Variants in CAMKMT observed in about 807,000 individuals in gnomAD.
CAMKMT encodes the protein CaM KMT.
Under a neutral mutation model 48.0 loss-of-function variants are expected in CAMKMT, and 53 were observed. That is an observed-to-expected ratio of 1.10 (90% CI 0.89 to 1.39). The LOEUF (loss-of-function observed/expected upper bound fraction) is 1.39, where lower values mean the gene tolerates loss of function less well. Among genes scored for constraint, CAMKMT ranks in the 40% most tolerant of loss-of-function variants. The pLI is 0.00. For synonymous variants in CAMKMT, 165 were observed against 152.3 expected, an observed-to-expected ratio of 1.08 and a Z score of -0.61; for missense variants, 428 against 402.7, an observed-to-expected ratio of 1.06 and a Z score of -0.54.
At chr2:44,474,748 C>T (rs144438969) in intron 3 of CAMKMT, among the ~76,000 whole-genome samples, 2 of 152,270 alleles carry the variant, frequency 1.3e-5, no homozygotes, top group South Asian at 2.1e-4. Context: ...TCCCTGTACT[C>T]CAAATAACAT....
At chr2:44,598,424 A>G (rs1670793995) in intron 3 of CAMKMT, among the ~76,000 whole-genome samples, 1 of 151,942 alleles carries the variant, frequency 6.6e-6, no homozygotes. Context: ...TTCTCGTGGA[A>G]TTGGTTGAAA....
intron 3 of CAMKMT, among the ~76,000 whole-genome samples, chr2:44,633,974 G>A (rs2103977337): frequency 6.6e-6 from 1 of 152,134 alleles, no homozygotes; most frequent in Non-Finnish European, 1.5e-5. Flanking sequence ...TGTCTAGTGT[G>A]ACCTTTACTT....
At chr2:44,579,055 A>G (rs1669396013) in intron 3 of CAMKMT, among the ~76,000 whole-genome samples, 1 of 152,232 alleles carries the variant, frequency 6.6e-6, no homozygotes, top group Admixed American at 6.5e-5. Context: ...GGTTGAAGTG[A>G]CAGTGGGTAA....
intron 3 of CAMKMT, among the ~76,000 whole-genome samples, chr2:44,615,381 T>C (rs1671829862): frequency 6.6e-6 from 1 of 152,154 alleles, no homozygotes; most frequent in African/African-American, 2.4e-5. Context: ...TAAAGATGAT[T>C]AGCAACTGAA....
chr2:44,639,480 A>C (rs1053500272), intron 3 of CAMKMT, among the ~76,000 whole-genome samples: 4 of 152,236 alleles, frequency 2.6e-5, no homozygotes, highest in Admixed American at 2.6e-4. Flanking sequence ...TATGCGCTTC[A>C]GTTTCCTTAT....
Position 44,772,259 on chromosome 2 carries a change from C to T in CAMKMT, c.*146C>T. The T allele has an allele frequency of 1.6e-6, 1 of 613,032 alleles. No homozygotes were observed. The highest frequency in any genetic ancestry group is 2.9e-6 in the Non-Finnish European group (1 of 350,630). The allele number at this position is 613,032 out of a possible 1,614,324, so 38.0% of individuals were successfully genotyped here. A position where few individuals can be genotyped will look rare whatever the true frequency, so the allele number is the denominator to read the frequency against. On this transcript the variant is annotated 3_prime_UTR_variant, in exon 11 of 11. Transcript: ENST00000378494. Reference sequence around the variant, plus strand: ...GGCTATGGACTCCACCTGTCCTCACCCACGTTATTCCCCAGCTGCCCTCTC... The same window carrying T: ...GGCTATGGACTCCACCTGTCCTCACTCACGTTATTCCCCAGCTGCCCTCTC...
chr2:44,539,918 T>C (rs1394790645), intron 3 of CAMKMT, among the ~76,000 whole-genome samples: 2 of 152,168 alleles, frequency 1.3e-5, no homozygotes, highest in Non-Finnish European at 2.9e-5. Flanking sequence ...CTTCCAGGTT[T>C]TCCAGTGTAA....
rs181265792 is a variant in CAMKMT at position 44,559,439 on chromosome 2, C to T, written c.377-144844C>T. On this transcript the variant is annotated intron_variant, in intron 3 of 10. Coordinates refer to ENST00000378494, the MANE Select transcript of CAMKMT (RefSeq NM_024766.5). ...TAATGTACATTCTTTGCTCTGCTCT[C>T]TAGAGCACCACCTTATTTTCATGAC... 4.5e-4 allele frequency among the ~76,000 whole-genome samples: 69 copies of T among 152,322 alleles called. No homozygotes were observed. In the East Asian group the frequency reaches 0.012, roughly 26 times the overall value.
intron 3 of CAMKMT, chr2:44,676,486 A>ACCCTAAACCTCTGAGTCATCCTTAAGC (rs1481311330): frequency 5.9e-5 from 9 of 152,250 alleles, no homozygotes; most frequent in African/African-American, 2.2e-4. Context: ...AGTCATCTGG[A>ACCCTAAACCTCTGAGTCATCCTTAAGC]CCCTAAACCT....
At chr2:44,574,684 G>A (rs532438686) in intron 3 of CAMKMT, among the ~76,000 whole-genome samples, 4 of 151,626 alleles carry the variant, frequency 2.6e-5, no homozygotes, top group African/African-American at 9.7e-5. Flanking sequence ...ATTTGATAAT[G>A]AAATGACATC....
intron 3 of CAMKMT, among the ~76,000 whole-genome samples, chr2:44,454,993 A>T (rs997252188): frequency 2.6e-5 from 4 of 152,090 alleles, no homozygotes; most frequent in African/African-American, 9.7e-5. Context: ...TAATTTACCC[A>T]TGGATAGAGG....
intron 7 of CAMKMT, among the ~76,000 whole-genome samples, chr2:44,728,452 G>GC (rs1678906560): frequency 6.6e-6 from 1 of 152,152 alleles, no homozygotes; most frequent in African/African-American, 2.4e-5. Context: ...TTAGGGAGGA[G>GC]CCCCTCCTCC....
Position 44,548,998 on chromosome 2 carries a change from T to C in CAMKMT, c.377-155285T>C, listed in dbSNP as rs76498053. Among the ~76,000 whole-genome samples the C allele has an allele frequency of 5.3e-3, 807 of 152,338 alleles. 6 individuals carry two copies. The highest frequency in any genetic ancestry group is 0.018 in the African/African-American group (764 of 41,584). On this transcript the variant is annotated intron_variant, in intron 3 of 10. Coordinates refer to ENST00000378494, the MANE Select transcript of CAMKMT (RefSeq NM_024766.5). Reference sequence around the variant, plus strand: ...GTGATGGTTTAAGCTGCTAAATTTCTGGTGATTTGTTATGCACCGATAAAA... The same window carrying C: ...GTGATGGTTTAAGCTGCTAAATTTCCGGTGATTTGTTATGCACCGATAAAA...
intron 3 of CAMKMT, among the ~76,000 whole-genome samples, chr2:44,679,800 A>G (rs1206854814): frequency 6.6e-6 from 1 of 152,114 alleles, no homozygotes; most frequent in Admixed American, 6.6e-5. Context: ...AATGCAAGCC[A>G]CTCTTGTCTG....
At chr2:44,635,702 C>T (rs535504309) in intron 3 of CAMKMT, among the ~76,000 whole-genome samples, 1 of 152,286 alleles carries the variant, frequency 6.6e-6, no homozygotes, top group South Asian at 2.1e-4. Flanking sequence ...ATAGGAGAAG[C>T]TGGGCTCATA....
chr2:44,550,708 G>A (rs1320219378), intron 3 of CAMKMT: 1 of 152,094 alleles, frequency 6.6e-6, no homozygotes, highest in Non-Finnish European at 1.5e-5. Context: ...TACTCTAAAA[G>A]CTTGCAGTGA....
intron 3 of CAMKMT, among the ~76,000 whole-genome samples, chr2:44,523,940 G>C (rs1671266706): frequency 6.6e-6 from 1 of 151,414 alleles, no homozygotes; most frequent in African/African-American, 2.4e-5. Flanking sequence ...ACCATGCCCA[G>C]CTAATTTTGT....
At chr2:44,566,443 CAATTAGTCCTTTGGGGCAGAATTTGG>C (rs1433098711) in intron 3 of CAMKMT, among the ~76,000 whole-genome samples, 1 of 152,026 alleles carries the variant, frequency 6.6e-6, no homozygotes, top group Non-Finnish European at 1.5e-5. Flanking sequence ...TTGCTAAGTT[CAATTAGTCCTTTGGGGCAGAATTTGG>C]AATTTCTTTT....
intron 3 of CAMKMT, among the ~76,000 whole-genome samples, chr2:44,696,784 A>G (rs1676980235): frequency 6.6e-6 from 1 of 152,188 alleles, no homozygotes; most frequent in South Asian, 2.1e-4. Flanking sequence ...AAACAACTTG[A>G]AAAAAACAGA....
Sources: allele counts gnomAD v4.1 joint callset (sites outside exome capture counted in the v4.1 genomes callset), GRCh38; gene constraint gnomAD v4.1.1; transcripts MANE v1.5; gene names NCBI Gene and HGNC (gene_info 2026-07-23, HGNC 2026-07-21).